MYH7B: variants seen among roughly 807,000 people sequenced by gnomAD.
MYH7B encodes myosin heavy chain 7B.
MYH7B carries 205 observed loss-of-function variants against 234.5 expected under a neutral mutation model. That is an observed-to-expected ratio of 0.87 (90% CI 0.78 to 0.98). The LOEUF (loss-of-function observed/expected upper bound fraction) is 0.98, where lower values mean the gene tolerates loss of function less well. Ranked by LOEUF, MYH7B falls within the 50% of genes least tolerant of loss-of-function variation. MYH7B has a pLI of 0.00. For missense variants in MYH7B, 2,652 were observed against 2,633.4 expected, an observed-to-expected ratio of 1.01 and a Z score of -0.15; for synonymous variants, 1,193 against 1,105.0, an observed-to-expected ratio of 1.08 and a Z score of -1.58.
chr20:34,956,985 C>T (rs748797861), intron 1 of MYH7B, among the ~76,000 whole-genome samples: 2 of 152,188 alleles, frequency 1.3e-5, no homozygotes, highest in African/African-American at 4.8e-5. Context: ...GCCCCGGAGA[C>T]GGAGGCTGCT....
intron 2 of MYH7B, among the ~76,000 whole-genome samples, chr20:34,968,362 G>T (rs1226567016): frequency 1.3e-5 from 2 of 152,186 alleles, no homozygotes; most frequent in Non-Finnish European, 2.9e-5. Context: ...TAGGCTCTCT[G>T]CATGTGTTAT....
At chr20:34,984,177 TGGTAGGTATAC>T (rs977073533) in intron 10 of MYH7B, among the ~76,000 whole-genome samples, 42 of 152,222 alleles carry the variant, frequency 2.8e-4, no homozygotes, top group African/African-American at 9.9e-4. Flanking sequence ...TTGTGCGCAC[TGGTAGGTATAC>T]AGGCAGACAA....
exon 15 of MYH7B, chr20:34,986,977 C>T (rs771255920): frequency 2.5e-6 from 4 of 1,613,772 alleles, no homozygotes; most frequent in Admixed American, 3.3e-5. Context: ...GGGAGGAGCT[C>T]ATCGCCACCG....
intron 2 of MYH7B, among the ~76,000 whole-genome samples, chr20:34,974,834 A>G (rs566447528): frequency 2.0e-5 from 3 of 152,292 alleles, no homozygotes; most frequent in South Asian, 2.1e-4. Flanking sequence ...TTGACTTTCT[A>G]TGATGTGCAG....
At chr20:34,985,995 C>A in intron 13 of MYH7B, 105 bp from the exon 14 acceptor site, 2 of 938,032 alleles carry the variant, frequency 2.1e-6, no homozygotes, top group Non-Finnish European at 1.7e-6. Flanking sequence ...CAGATGCAGC[C>A]CCCCTGCACA....
intron 40 of MYH7B, 40 bp downstream of exon 40, chr20:35,000,933 T>A: frequency 6.2e-7 from 1 of 1,611,100 alleles, no homozygotes; most frequent in Non-Finnish European, 8.5e-7. Context: ...TGGGACAGAA[T>A]TGCAGAGGGA....
chr20:35,001,932 C>G lies in MYH7B; in HGVS notation c.5677-16C>G, dbSNP rs1411446720. ...CAGTCACCCAAGCGGAACCAAGGCCCTGTGTGTGCCCCCAGGAGCAGCAGG... is the reference window on the plus strand; with the variant it reads ...CAGTCACCCAAGCGGAACCAAGGCCGTGTGTGTGCCCCCAGGAGCAGCAGG... On this transcript the variant is annotated splice_polypyrimidine_tract_variant and intron_variant, in intron 43 of 44. Coordinates refer to ENST00000262873, the Ensembl canonical transcript of MYH7B. 3.1e-6 allele frequency: 5 copies of G among 1,609,444 alleles called. No individual in the cohort carries two copies. The highest frequency in any genetic ancestry group is 2.7e-5 in the African/African-American group (2 of 74,864).
exon 20 of MYH7B, chr20:34,989,902 G>T: frequency 6.2e-7 from 1 of 1,614,090 alleles, no homozygotes; most frequent in South Asian, 1.1e-5. Context: ...CTTCGAGGTG[G>T]TCCACTACGC....
chr20:34,990,926 G>C, intron 23 of MYH7B, 78 bp from the exon 24 acceptor site: 1 of 1,562,492 alleles, frequency 6.4e-7, no homozygotes, highest in Non-Finnish European at 8.8e-7. Context: ...TCACCTCGCA[G>C]GGTCTCCACT....
At position 34,990,055 on chromosome 20, in the gene MYH7B, T is replaced by TC; in HGVS notation, c.1813dup (p.Leu605ProfsTer3). On this transcript the variant is annotated frameshift_variant, in exon 21 of 45. Transcript: ENST00000262873. LOFTEE classifies it high-confidence loss of function. ...TGGGCTGGCTGGAGAAAAACAAGGA[T>TC]CCCCTGAATGAGACCGTGGTCCCCA... The TC allele has an allele frequency of 6.2e-7, 1 of 1,614,110 alleles. No individual in the cohort carries two copies. Among genetic ancestry groups the TC allele is most frequent in the Non-Finnish European group, 8.5e-7 (1 of 1,180,010 alleles).
chr20:34,992,160 C>T (rs965867781), intron 24 of MYH7B, among the ~76,000 whole-genome samples: 1 of 152,094 alleles, frequency 6.6e-6, no homozygotes, highest in Non-Finnish European at 1.5e-5. Context: ...CCGAGGCAGG[C>T]GGATCACGAG....
intron 28 of MYH7B, among the ~76,000 whole-genome samples, 180 bp downstream of exon 28, chr20:34,995,758 T>C (rs562799986): frequency 4.0e-4 from 61 of 152,324 alleles, no homozygotes; most frequent in South Asian, 2.1e-4. Flanking sequence ...ACTTACCCCA[T>C]TAGGGTAGGT....
At chr20:34,956,593 G>A (rs1257807731) in intron 1 of MYH7B, among the ~76,000 whole-genome samples, 1 of 152,200 alleles carries the variant, frequency 6.6e-6, no homozygotes, top group African/African-American at 2.4e-5. Flanking sequence ...ATAAGACACA[G>A]CCACTGCTTT....
At chr20:34,987,878 C>T (rs368976358) in exon 18 of MYH7B, 36 of 1,610,576 alleles carry the variant, frequency 2.2e-5, no homozygotes, top group Admixed American at 5.0e-5. Context: ...AGTTCTTCAT[C>T]GGGGTTCTGG....
chr20:34,999,127 T>C, exon 36 of MYH7B: 1 of 1,613,614 alleles, frequency 6.2e-7, no homozygotes, highest in Non-Finnish European at 8.5e-7. Context: ...TGCTCATCGT[T>C]GGAGAAGGCC....
chr20:34,985,198 G>A, intron 13 of MYH7B, 69 bp downstream of exon 13: 1 of 1,483,106 alleles, frequency 6.7e-7, no homozygotes, highest in East Asian at 2.3e-5. Flanking sequence ...CTCGGCCTCT[G>A]TCATCACGAC....
At chr20:34,989,862 G>A (rs765375145) in exon 20 of MYH7B, 1 of 1,614,152 alleles carries the variant, frequency 6.2e-7, no homozygotes, top group Non-Finnish European at 8.5e-7. Flanking sequence ...AGCAGCCTCG[G>A]CCTGACAAGA....
exon 37 of MYH7B, chr20:34,999,682 TGGA>T: frequency 6.2e-7 from 1 of 1,613,176 alleles, no homozygotes. Flanking sequence ...CAGGCTGCAC[TGGA>T]GGAGGCAGAG....
At chr20:34,987,440 G>C in intron 16 of MYH7B, 117 bp from the exon 17 acceptor site, 1 of 1,413,910 alleles carries the variant, frequency 7.1e-7, no homozygotes, top group Admixed American at 1.9e-5. Flanking sequence ...GGCTTTGTTT[G>C]CTAGCCCTGA....
Sources: allele counts gnomAD v4.1 joint callset (sites outside exome capture counted in the v4.1 genomes callset), GRCh38; gene constraint gnomAD v4.1.1; transcripts MANE v1.5; gene names NCBI Gene and HGNC (gene_info 2026-07-23, HGNC 2026-07-21).